FGF13: variants seen among roughly 807,000 people sequenced by gnomAD.
FGF13 encodes the protein fibroblast growth factor homologous factor 2.
FGF13 carries 2 observed loss-of-function variants against 19.5 expected under a neutral mutation model. The observed-to-expected ratio is 0.10, with a 90% confidence interval of 0.04 to 0.32. The LOEUF (loss-of-function observed/expected upper bound fraction) is 0.32. FGF13 is among the 10% of genes least tolerant of loss of function. FGF13 has a pLI of 1.00. For missense variants in FGF13, 113 were observed against 192.7 expected, an observed-to-expected ratio of 0.59 and a Z score of 2.45; for synonymous variants, 72 against 76.9, an observed-to-expected ratio of 0.94 and a Z score of 0.33.
intron 3 of FGF13, among the ~76,000 whole-genome samples, chrX:138,781,770 T>C (rs1292057311): frequency 9.0e-6 from 1 of 111,315 alleles, no homozygotes; most frequent in Non-Finnish European, 1.9e-5. Context: ...ACTATTCCAA[T>C]CAATAGAAAA....
intron 4 of FGF13, among the ~76,000 whole-genome samples, chrX:138,634,400 T>A (rs2089158013): frequency 8.9e-6 from 1 of 112,635 alleles, no homozygotes; most frequent in South Asian, 3.6e-4. Flanking sequence ...TTTTAACACC[T>A]ATGTTTCTGC....
At chrX:139,104,057 G>A (rs2083538028) in intron 1 of FGF13, among the ~76,000 whole-genome samples, 1 of 111,384 alleles carries the variant, frequency 9.0e-6, no homozygotes, top group African/African-American at 3.3e-5. Flanking sequence ...TGGCGGCAAT[G>A]GTAGTATCTG....
intron 1 of FGF13, among the ~76,000 whole-genome samples, chrX:139,124,845 G>A (rs2083703660): frequency 9.0e-6 from 1 of 111,630 alleles, no homozygotes; most frequent in Admixed American, 9.5e-5. Flanking sequence ...ACCAGGATTT[G>A]GGGAAGAAAG....
chrX:138,878,601 G>A (rs1280222149), intron 1 of FGF13, among the ~76,000 whole-genome samples: 11 of 107,214 alleles, frequency 1.0e-4, no homozygotes, highest in East Asian at 3.0e-4. Context: ...GAATAGTGCC[G>A]CAATAAACAT....
chrX:138,977,050 A>AAT (rs747400628), intron 1 of FGF13, among the ~76,000 whole-genome samples: 1 of 111,958 alleles, frequency 8.9e-6, no homozygotes, highest in African/African-American at 3.2e-5. Flanking sequence ...TGCACATTTA[A>AAT]GATAATCAAA....
intron 3 of FGF13, among the ~76,000 whole-genome samples, chrX:138,826,059 G>A (rs2091032726): frequency 8.9e-6 from 1 of 111,785 alleles, no homozygotes; most frequent in African/African-American, 3.3e-5. Context: ...GATAGCATCT[G>A]ACAGAAAAAC....
intron 1 of FGF13, among the ~76,000 whole-genome samples, chrX:139,154,458 T>C (rs1385042606): frequency 8.9e-6 from 1 of 111,853 alleles, no homozygotes; most frequent in African/African-American, 3.2e-5. Context: ...GCTGGATAAA[T>C]ACATAACATA....
intron 1 of FGF13, among the ~76,000 whole-genome samples, chrX:138,947,582 C>A (rs1391377808): frequency 8.9e-6 from 1 of 111,975 alleles, no homozygotes; most frequent in Non-Finnish European, 1.9e-5. Flanking sequence ...CCTCTCCTGT[C>A]ATGAGGAAGA....
intron 2 of FGF13, among the ~76,000 whole-genome samples, chrX:138,861,123 G>A (rs2091286159): frequency 8.9e-6 from 1 of 112,452 alleles, no homozygotes; most frequent in South Asian, 3.7e-4. Context: ...AGGTGGGCAA[G>A]CTTGCATCTA....
At chrX:139,145,647 T>C (rs937663414) in intron 1 of FGF13, among the ~76,000 whole-genome samples, 4 of 109,539 alleles carry the variant, frequency 3.7e-5, no homozygotes, top group Non-Finnish European at 1.9e-5. Flanking sequence ...TCTCATCCCT[T>C]CCTCTACCTA....
chrX:138,779,307 T>C lies in FGF13; in HGVS notation c.218-70379A>G, dbSNP rs750225748. ...CTCCTCACCAGCAACGAAACAAAGCTGGACGGAGAATGACTTTGACGAGCT... is the reference window on the plus strand; with the variant it reads ...CTCCTCACCAGCAACGAAACAAAGCCGGACGGAGAATGACTTTGACGAGCT... On this transcript the variant is annotated intron_variant, in intron 3 of 6. Coordinates refer to the FGF13 transcript ENST00000436198. 1.0e-3 allele frequency among the ~76,000 whole-genome samples: 114 copies of C among 112,085 alleles called. 1 individual carries two copies. Among genetic ancestry groups the C allele is most frequent in the African/African-American group, 3.5e-3 (109 of 30,832 alleles).
intron 1 of FGF13, among the ~76,000 whole-genome samples, chrX:139,071,785 A>C (rs1402775316): frequency 9.1e-6 from 1 of 109,946 alleles, no homozygotes; most frequent in African/African-American, 3.3e-5. Context: ...AGGGAGGCCG[A>C]GGCTGGCAGA....
intron 1 of FGF13, among the ~76,000 whole-genome samples, chrX:138,996,646 A>G (rs2092044456): frequency 8.9e-6 from 1 of 112,724 alleles, no homozygotes; most frequent in African/African-American, 3.2e-5. Flanking sequence ...CTAGATGTTC[A>G]GGGCATCTCT....
intron 1 of FGF13, among the ~76,000 whole-genome samples, chrX:138,959,471 G>A (rs2091858416): frequency 1.8e-5 from 2 of 112,169 alleles, no homozygotes; most frequent in South Asian, 7.5e-4. Context: ...TAAATGTGAT[G>A]TGGTGCTGAG....
In FGF13 at chrX:138,632,756, C is replaced by A; in HGVS notation, c.*94G>T. 1 of 1,035,439 alleles carries A rather than the reference C, an allele frequency of 9.7e-7. No individual in the cohort carries two copies. The allele number at this position is 1,035,439 out of a possible 1,213,427, so 85.3% of individuals were successfully genotyped here. On this transcript the variant is annotated 3_prime_UTR_variant, in exon 5 of 5. Transcript: ENST00000315930. Reference sequence around the variant, plus strand: ...CTGTTTGTTTGGTAAATGTCACTGACAAATTTGAACTTTTGGGTGAAGGAC... The same window carrying A: ...CTGTTTGTTTGGTAAATGTCACTGAAAAATTTGAACTTTTGGGTGAAGGAC...
At chrX:138,689,878 A>C (rs1212110565) in intron 3 of FGF13, among the ~76,000 whole-genome samples, 1 of 112,150 alleles carries the variant, frequency 8.9e-6, no homozygotes. Context: ...GTATTTTCTT[A>C]TGTGAAATTT....
At chrX:138,873,904 CA>C (rs1312559975) in intron 1 of FGF13, among the ~76,000 whole-genome samples, 1 of 101,282 alleles carries the variant, frequency 9.9e-6, no homozygotes, top group Non-Finnish European at 2.0e-5. Flanking sequence ...ATGGCAAGGA[CA>C]AAAAACCAAA....
intron 3 of FGF13, among the ~76,000 whole-genome samples, chrX:138,758,481 A>G (rs942324824): frequency 7.2e-5 from 8 of 111,409 alleles, no homozygotes; most frequent in African/African-American, 2.6e-4. Flanking sequence ...CTAGGTCCTC[A>G]TGCTTGGCAT....
At chrX:138,947,183 G>A (rs1281636220) in intron 1 of FGF13, among the ~76,000 whole-genome samples, 3 of 111,930 alleles carry the variant, frequency 2.7e-5, no homozygotes, top group African/African-American at 9.7e-5. Context: ...TGCTAGTCCA[G>A]TATGAGTATA....
Sources: gnomAD v4.1 joint callset for allele counts (sites outside exome capture counted in the v4.1 genomes callset) on GRCh38, gnomAD v4.1.1 for gene constraint, MANE v1.5 for transcripts, NCBI Gene and HGNC (gene_info 2026-07-23, HGNC 2026-07-21) for gene names.